Variants in TRIM44 observed in about 807,000 individuals in gnomAD.
The protein encoded by TRIM44 is tripartite motif containing 44.
A neutral mutation model predicts 37.4 loss-of-function variants in TRIM44; 13 were observed. That is an observed-to-expected ratio of 0.35 (90% CI 0.23 to 0.55). TRIM44 has a LOEUF of 0.55. Ranked by LOEUF, TRIM44 falls within the 20% of genes least tolerant of loss-of-function variation. The probability of loss-of-function intolerance (pLI) is 0.89; values close to 1 mark genes in which losing one functional copy is unlikely to be tolerated. For synonymous variants in TRIM44, 175 were observed against 157.2 expected, an observed-to-expected ratio of 1.11 and a Z score of -0.85; for missense variants, 426 against 437.2, an observed-to-expected ratio of 0.97 and a Z score of 0.23.
Position 35,807,840 on chromosome 11 carries a change from C to T in TRIM44, c.*1455C>T, listed in dbSNP as rs1326228308. On this transcript the variant is annotated 3_prime_UTR_variant, in exon 5 of 5. Transcript: ENST00000299413. Reference sequence around the variant, plus strand: ...CACTTACGAAGCATACAACTAGAACCATATCCAAGCAGACTCTGGGTTGCT... The same window carrying T: ...CACTTACGAAGCATACAACTAGAACTATATCCAAGCAGACTCTGGGTTGCT... 3.3e-5 allele frequency: 5 copies of T among 152,056 alleles called. No homozygotes were observed. The highest frequency in any genetic ancestry group is 7.4e-5 in the Non-Finnish European group (5 of 68,002). 9.4% of individuals were successfully genotyped at this position (152,056 alleles called of 1,614,324 possible). A position where few individuals can be genotyped will look rare whatever the true frequency, so the allele number is the denominator to read the frequency against.
In TRIM44 at chr11:35,814,837, C is replaced by A. The variant is rs1853564398; in HGVS notation, c.*8452C>A. 6.6e-6 allele frequency: 1 copy of A among 152,068 alleles called. No homozygotes were observed. Among genetic ancestry groups the A allele is most frequent in the Non-Finnish European group, 1.5e-5 (1 of 68,024 alleles). The allele number at this position is 152,068 out of a possible 1,614,324, so 9.4% of individuals were successfully genotyped here. On this transcript the variant is annotated 3_prime_UTR_variant, in exon 5 of 5. Coordinates refer to ENST00000299413, the MANE Select transcript of TRIM44 (RefSeq NM_017583.6). ...CTCTTAACAGCAGAGGGGATTAAAT[C>A]ATGATTCACTTCTGAACAGTACAAT... is the stretch of plus-strand genomic sequence containing the variant.
chr11:35,711,531 A>G (rs1213851682), intron 2 of TRIM44, among the ~76,000 whole-genome samples: 1 of 151,878 alleles, frequency 6.6e-6, no homozygotes, highest in African/African-American at 2.4e-5. Flanking sequence ...TTGTTGGGAA[A>G]ATAAGTGAGA....
At chr11:35,727,494 A>T (rs945777803) in intron 3 of TRIM44, among the ~76,000 whole-genome samples, 2 of 152,210 alleles carry the variant, frequency 1.3e-5, no homozygotes, top group African/African-American at 4.8e-5. Flanking sequence ...TGCTATACCC[A>T]TCCAGGGCTT....
At position 35,813,133 on chromosome 11, in the gene TRIM44, G is replaced by A. The variant is rs1479654306; in HGVS notation, c.*6748G>A. ...TTCACTTACTGAGTTCAGCTGTCAC[G>A]GCCACAGCATACCATTTGCCTTATA... is the stretch of plus-strand genomic sequence containing the variant. On this transcript the variant is annotated 3_prime_UTR_variant, in exon 5 of 5. Coordinates refer to ENST00000299413, the MANE Select transcript of TRIM44 (RefSeq NM_017583.6). 2 of 152,114 alleles carry A rather than the reference G, an allele frequency of 1.3e-5. No individual in the cohort carries two copies. Among genetic ancestry groups the A allele is most frequent in the Admixed American group, 6.6e-5 (1 of 15,260 alleles). 9.4% of individuals were successfully genotyped at this position (152,114 alleles called of 1,614,324 possible).
At chr11:35,731,328 C>G (rs1429274325) in intron 3 of TRIM44, among the ~76,000 whole-genome samples, 1 of 152,100 alleles carries the variant, frequency 6.6e-6, no homozygotes, top group African/African-American at 2.4e-5. Flanking sequence ...TTCTGTATCT[C>G]TTGAAATGAT....
At chr11:35,699,789 A>C (rs183899407) in intron 2 of TRIM44, among the ~76,000 whole-genome samples, 1,574 of 152,164 alleles carry the variant, frequency 0.01, 10 homozygotes, top group Admixed American at 0.017. Flanking sequence ...AAAAATCACA[A>C]GCATTCTTAT....
At position 35,773,070 on chromosome 11, in the gene TRIM44, A is replaced by G. The variant is rs115829407; in HGVS notation, c.1008-33288A>G. Among the ~76,000 whole-genome samples the G allele has an allele frequency of 3.9e-3, 591 of 152,236 alleles. 6 individuals are homozygous for G. The highest frequency in any genetic ancestry group is 0.014 in the African/African-American group (569 of 41,538). ...TCTCATGGTCGTGAATAAGGCTCAC[A>G]AGATCTGATGGTTTTATCAGGGGTT... On this transcript the variant is annotated intron_variant, in intron 4 of 4. Transcript: ENST00000299413.
rs750321664 is a variant in TRIM44 at position 35,806,406 on chromosome 11, A to G, written c.*21A>G. ...CATGAAGGCTTGCTACCCCCAGTGG[A>G]AAATCATCCCCTCCCCTTGTGTGTA... On this transcript the variant is annotated 3_prime_UTR_variant, in exon 5 of 5. Coordinates refer to ENST00000299413, the MANE Select transcript of TRIM44 (RefSeq NM_017583.6). 9 of 1,613,466 alleles carry G rather than the reference A, an allele frequency of 5.6e-6. No homozygotes were observed. The East Asian group carries it at 1.3e-4, about 24-fold the overall frequency.
rs139411239 is a variant in TRIM44, at chr11:35,760,477, T to C, written c.1007+25032T>C. 1.8e-3 allele frequency among the ~76,000 whole-genome samples: 280 copies of C among 152,308 alleles called. 2 individuals carry two copies. The highest frequency in any genetic ancestry group is 6.5e-3 in the African/African-American group (269 of 41,560). ...CGATGCCTCGCCCTGCTTAAGCTCA[T>C]GCTTGGTGCACTGAACCCAGTGTCC... On this transcript the variant is annotated intron_variant, in intron 4 of 4. Transcript: ENST00000299413.
intron 4 of TRIM44, among the ~76,000 whole-genome samples, chr11:35,763,680 A>G (rs1428955064): frequency 6.6e-6 from 1 of 152,176 alleles, no homozygotes; most frequent in Non-Finnish European, 1.5e-5. Flanking sequence ...GGGAGGCTAA[A>G]TTAATTTCGA....
chr11:35,681,952 CTTTT>C lies in TRIM44; in HGVS notation c.670-3286_670-3283del, dbSNP rs35760830. 7.9e-3 allele frequency among the ~76,000 whole-genome samples: 803 copies of C among 101,368 alleles called. 7 individuals are homozygous for C. The highest frequency in any genetic ancestry group is 0.029 in the African/African-American group (751 of 25,926). The allele number at this position is 101,368 out of a possible 152,430, so 66.5% of individuals were successfully genotyped here. ...CCATGCCCCTGACCTATGTCCCATA[CTTTT>C]TTTTTTTTTTTTTTTTTTTTGAAAT... On this transcript the variant is annotated intron_variant, in intron 1 of 4. Transcript: ENST00000299413.
rs1851500697 is a variant in TRIM44 at position 35,679,430 on chromosome 11, G to A, written c.670-5829G>A. On this transcript the variant is annotated intron_variant, in intron 1 of 4. Coordinates refer to ENST00000299413, the MANE Select transcript of TRIM44 (RefSeq NM_017583.6). The stretch of plus-strand genomic sequence containing the variant: ...GTAATATGTACTCCTTTGAAGAAAG[G>A]CACCCCAATTTTCATGGTGTTCAAA... 2.0e-5 allele frequency among the ~76,000 whole-genome samples: 3 copies of A among 152,174 alleles called. 1 individual carries two copies. In the South Asian group the frequency reaches 6.2e-4, roughly 32 times the overall value.
intron 1 of TRIM44, among the ~76,000 whole-genome samples, chr11:35,682,063 A>G (rs561512296): frequency 3.4e-5 from 5 of 145,300 alleles, no homozygotes; most frequent in Non-Finnish European, 7.4e-5. Context: ...GGTTCAGGCG[A>G]TTCTCCTGCC....
At chr11:35,718,681 A>C (rs1012497561) in intron 2 of TRIM44, among the ~76,000 whole-genome samples, 56 of 152,234 alleles carry the variant, frequency 3.7e-4, no homozygotes, top group African/African-American at 1.2e-3. Context: ...CATACAGAGT[A>C]GTTTCACTGC....
At chr11:35,696,721 C>T (rs1047582005) in intron 2 of TRIM44, among the ~76,000 whole-genome samples, 4 of 151,766 alleles carry the variant, frequency 2.6e-5, no homozygotes, top group African/African-American at 9.7e-5. Flanking sequence ...ATGGTGCATG[C>T]CTGTAATCCC....
intron 4 of TRIM44, among the ~76,000 whole-genome samples, chr11:35,739,719 G>A (rs998536769): frequency 2.0e-5 from 3 of 151,978 alleles, no homozygotes; most frequent in Non-Finnish European, 4.4e-5. Flanking sequence ...CTCTCAAACT[G>A]GTATCTTACT....
At chr11:35,792,072 T>TACACACACACACACACACACACAC (rs57127722) in intron 4 of TRIM44, among the ~76,000 whole-genome samples, 41 of 136,816 alleles carry the variant, frequency 3.0e-4, no homozygotes, top group African/African-American at 9.5e-4. Flanking sequence ...GAGTTGCCCC[T>TACACACACACACACACACACACAC]ACACACACAC....
chr11:35,733,197 A>G (rs556479205), intron 3 of TRIM44, among the ~76,000 whole-genome samples: 1 of 152,300 alleles, frequency 6.6e-6, no homozygotes, highest in Admixed American at 6.5e-5. Flanking sequence ...GAAAATTGCC[A>G]AAAGCTTCAC....
At chr11:35,686,458 A>T (rs762211689) in intron 2 of TRIM44, among the ~76,000 whole-genome samples, 7 of 150,966 alleles carry the variant, frequency 4.6e-5, no homozygotes, top group Non-Finnish European at 1.0e-4. Flanking sequence ...CTCTTACATG[A>T]TTGTACTAAA....
Sources: allele counts gnomAD v4.1 joint callset (sites outside exome capture counted in the v4.1 genomes callset), GRCh38; gene constraint gnomAD v4.1.1; transcripts MANE v1.5; gene names NCBI Gene and HGNC (gene_info 2026-07-23, HGNC 2026-07-21).